The following SELENOF variants were observed in gnomAD, a reference collection of about 807,000 sequenced individuals.
The protein encoded by SELENOF is 15 kDa selenoprotein.
A neutral mutation model predicts 20.5 loss-of-function variants in SELENOF; 16 were observed. That is an observed-to-expected ratio of 0.78 (90% CI 0.53 to 1.19). The LOEUF (loss-of-function observed/expected upper bound fraction) is 1.19. Among genes scored for constraint, SELENOF ranks in the 50% most tolerant of loss-of-function variants. The pLI is 0.00. For missense variants in SELENOF, 215 were observed against 194.2 expected (o/e 1.11, Z -0.64); for synonymous variants, 78 against 74.5 (o/e 1.05, Z -0.24).
At chr1:86,867,259 G>A (rs190214294) in intron 4 of SELENOF, among the ~76,000 whole-genome samples, 106 of 152,094 alleles carry the variant, frequency 7.0e-4, no homozygotes, top group Non-Finnish European at 1.3e-3. Context: ...GGGAGGCTGG[G>A]GCAGGTGGAT....
At chr1:86,906,748 G>C (rs920507357) in intron 1 of SELENOF, among the ~76,000 whole-genome samples, 7 of 152,222 alleles carry the variant, frequency 4.6e-5, no homozygotes, top group African/African-American at 1.7e-4. Context: ...TGTTTCAACT[G>C]AGGTCTGAGA....
At chr1:86,875,821 AC>A (rs1658910784) in intron 3 of SELENOF, among the ~76,000 whole-genome samples, 1 of 152,178 alleles carries the variant, frequency 6.6e-6, no homozygotes, top group Non-Finnish European at 1.5e-5. Flanking sequence ...TTTTGAATGA[AC>A]TGGAATTTGC....
intron 3 of SELENOF, among the ~76,000 whole-genome samples, chr1:86,870,204 TTAGA>T (rs1188450347): frequency 6.6e-6 from 1 of 152,248 alleles, no homozygotes. Context: ...TACTTTAGAA[TTAGA>T]TAGCAATAGC....
intron 2 of SELENOF, among the ~76,000 whole-genome samples, chr1:86,888,668 T>C: frequency 6.6e-6 from 1 of 152,240 alleles, no homozygotes; most frequent in Non-Finnish European, 1.5e-5. Context: ...GATCAACATA[T>C]ATATATTTTT....
chr1:86,870,368 T>C (rs1200902003), intron 3 of SELENOF, among the ~76,000 whole-genome samples: 1 of 152,216 alleles, frequency 6.6e-6, no homozygotes, highest in East Asian at 1.9e-4. Context: ...TCCTTTAGGA[T>C]TTTTCCAGAT....
intron 2 of SELENOF, among the ~76,000 whole-genome samples, chr1:86,895,677 A>C (rs1377101666): frequency 1.3e-5 from 2 of 152,190 alleles, no homozygotes. Flanking sequence ...ACTGAACAAT[A>C]AATTAGGCTG....
chr1:86,883,100 T>C (rs1659118867), intron 2 of SELENOF, among the ~76,000 whole-genome samples: 1 of 143,876 alleles, frequency 7.0e-6, no homozygotes, highest in South Asian at 2.2e-4. Flanking sequence ...CACTCAAACC[T>C]GGGGGACAAG....
At chr1:86,882,980 G>A (rs574536) in intron 2 of SELENOF, among the ~76,000 whole-genome samples, 143,244 of 152,148 alleles carry the variant, frequency 0.94, 67,521 homozygotes, top group East Asian at 1. Context: ...TACAAAAATT[G>A]GCTGGGTGTG....
At chr1:86,895,778 C>T (rs1470865580) in intron 2 of SELENOF, among the ~76,000 whole-genome samples, 2 of 152,124 alleles carry the variant, frequency 1.3e-5, no homozygotes, top group African/African-American at 4.8e-5. Flanking sequence ...CCAGCTTGAC[C>T]TTCAGAATAG....
intron 2 of SELENOF, chr1:86,887,249 G>A (rs1349021041): frequency 1.3e-5 from 20 of 1,519,060 alleles, no homozygotes; most frequent in Non-Finnish European, 1.8e-5. Flanking sequence ...AACAAAGCTG[G>A]CAAATATAAT....
intron 2 of SELENOF, among the ~76,000 whole-genome samples, chr1:86,889,750 C>A: frequency 6.6e-6 from 1 of 152,112 alleles, no homozygotes. Context: ...GTTAGGGTTA[C>A]CAGTTTCTCC....
At chr1:86,879,185 TA>T (rs1358444480) in intron 3 of SELENOF, among the ~76,000 whole-genome samples, 1 of 152,086 alleles carries the variant, frequency 6.6e-6, no homozygotes. Context: ...TCAATGCAGC[TA>T]AAAATCAATT....
At chr1:86,907,868 C>CT (rs1659870754) in intron 1 of SELENOF, among the ~76,000 whole-genome samples, 1 of 151,962 alleles carries the variant, frequency 6.6e-6, no homozygotes, top group Non-Finnish European at 1.5e-5. Flanking sequence ...CACCTGTAAT[C>CT]TGAGTTACTC....
chr1:86,903,924 T>A (rs1659767828), intron 1 of SELENOF, among the ~76,000 whole-genome samples: 1 of 152,222 alleles, frequency 6.6e-6, no homozygotes, highest in Non-Finnish European at 1.5e-5. Flanking sequence ...ATAGTCTGGT[T>A]TCTCCCACCT....
chr1:86,892,563 G>C (rs1659417331), intron 2 of SELENOF, among the ~76,000 whole-genome samples: 1 of 152,166 alleles, frequency 6.6e-6, no homozygotes, highest in South Asian at 2.1e-4. Flanking sequence ...CTTTCTGACA[G>C]CCTGAAGCCT....
At chr1:86,894,540 A>G (rs1659471503) in intron 2 of SELENOF, among the ~76,000 whole-genome samples, 1 of 152,148 alleles carries the variant, frequency 6.6e-6, no homozygotes, top group South Asian at 2.1e-4. Flanking sequence ...GTCATAGAAA[A>G]TTGAGCTCTA....
chr1:86,870,029 T>A (rs775006253), intron 3 of SELENOF, among the ~76,000 whole-genome samples: 2 of 152,214 alleles, frequency 1.3e-5, no homozygotes, highest in Non-Finnish European at 2.9e-5. Context: ...TGCCTTGGCC[T>A]CCCAAAGTGC....
chr1:86,896,215 C>T (rs781112564), intron 2 of SELENOF, among the ~76,000 whole-genome samples: 1 of 150,704 alleles, frequency 6.6e-6, no homozygotes, highest in Non-Finnish European at 1.5e-5. Context: ...TGCACTCCAG[C>T]CTGGGCAACA....
chr1:86,888,423 C>T (rs1557463013), intron 2 of SELENOF, among the ~76,000 whole-genome samples: 1 of 151,988 alleles, frequency 6.6e-6, no homozygotes, highest in African/African-American at 2.4e-5. Flanking sequence ...GCAAGGATGC[C>T]TTTCAGAAGA....
Sources: gnomAD v4.1 joint callset for allele counts (sites outside exome capture counted in the v4.1 genomes callset) on GRCh38, gnomAD v4.1.1 for gene constraint, MANE v1.5 for transcripts, NCBI Gene and HGNC (gene_info 2026-07-23, HGNC 2026-07-21) for gene names.